CATSPERB: variants seen among roughly 807,000 people sequenced by gnomAD.
CATSPERB encodes the protein catsper channel auxiliary subunit beta.
In CATSPERB, 93 loss-of-function variants were observed where a neutral mutation model predicts 128.3. That is an observed-to-expected ratio of 0.72 (90% CI 0.61 to 0.86). The LOEUF (loss-of-function observed/expected upper bound fraction) is 0.86. Ranked by LOEUF, CATSPERB falls within the 40% of genes least tolerant of loss-of-function variation. CATSPERB has a pLI of 0.00. For missense variants in CATSPERB, 1,153 were observed against 1,329.5 expected, an observed-to-expected ratio of 0.87 and a Z score of 2.06; for synonymous variants, 381 against 448.8, an observed-to-expected ratio of 0.85 and a Z score of 1.91.
intron 5 of CATSPERB, among the ~76,000 whole-genome samples, chr14:91,716,424 A>G (rs1163714516): frequency 6.6e-6 from 1 of 152,086 alleles, no homozygotes; most frequent in East Asian, 1.9e-4. Flanking sequence ...TAAAAATACA[A>G]AAAATTAGCC....
chr14:91,711,415 G>A (rs541843914), intron 5 of CATSPERB, among the ~76,000 whole-genome samples: 1 of 152,114 alleles, frequency 6.6e-6, no homozygotes, highest in Non-Finnish European at 1.5e-5. Flanking sequence ...ATTTTTAGTA[G>A]AGACAGGTTT....
intron 15 of CATSPERB, among the ~76,000 whole-genome samples, chr14:91,647,635 G>A (rs1054862078): frequency 4.6e-5 from 7 of 152,172 alleles, no homozygotes; most frequent in Admixed American, 4.6e-4. Flanking sequence ...GCAGGCAAGA[G>A]AGCTTATGCA....
At chr14:91,588,392 T>C (rs1454219635) in intron 24 of CATSPERB, among the ~76,000 whole-genome samples, 1 of 152,184 alleles carries the variant, frequency 6.6e-6, no homozygotes, top group African/African-American at 2.4e-5. Flanking sequence ...AGCTTCATGC[T>C]GACCTTTTCC....
intron 22 of CATSPERB, among the ~76,000 whole-genome samples, chr14:91,594,740 A>AG (rs1399367662): frequency 6.6e-6 from 1 of 152,182 alleles, no homozygotes; most frequent in Non-Finnish European, 1.5e-5. Flanking sequence ...GGAGGAAGGG[A>AG]GAAAAAATAA....
intron 18 of CATSPERB, among the ~76,000 whole-genome samples, chr14:91,624,602 C>A (rs1429022733): frequency 6.6e-6 from 1 of 150,762 alleles, no homozygotes; most frequent in Non-Finnish European, 1.5e-5. Context: ...GATCGCGTCA[C>A]TACACTCCAG....
chr14:91,591,483 CT>C (rs1174627009), intron 23 of CATSPERB, among the ~76,000 whole-genome samples: 3 of 151,776 alleles, frequency 2.0e-5, no homozygotes, highest in African/African-American at 7.3e-5. Flanking sequence ...GCAGGCTGAG[CT>C]TGATTACAAT....
At chr14:91,627,130 T>C (rs1894178959) in intron 17 of CATSPERB, among the ~76,000 whole-genome samples, 1 of 152,206 alleles carries the variant, frequency 6.6e-6, no homozygotes, top group Non-Finnish European at 1.5e-5. Flanking sequence ...TAAATGACAG[T>C]GTTAAGCAGT....
At chr14:91,679,262 A>G (rs911007175) in intron 11 of CATSPERB, among the ~76,000 whole-genome samples, 1 of 152,164 alleles carries the variant, frequency 6.6e-6, no homozygotes, top group Non-Finnish European at 1.5e-5. Flanking sequence ...CTAAGCTTTC[A>G]CTAAAGTTTA....
intron 17 of CATSPERB, among the ~76,000 whole-genome samples, chr14:91,634,462 T>C (rs2139800662): frequency 6.6e-6 from 1 of 151,972 alleles, no homozygotes; most frequent in Middle Eastern, 3.4e-3. Flanking sequence ...TGGAAATTTC[T>C]CAAAGAACTA....
intron 22 of CATSPERB, among the ~76,000 whole-genome samples, chr14:91,599,659 G>A (rs1417892690): frequency 6.6e-6 from 1 of 152,038 alleles, no homozygotes; most frequent in Non-Finnish European, 1.5e-5. Flanking sequence ...GGCAAAGCTT[G>A]GTTTTATACG....
intron 11 of CATSPERB, among the ~76,000 whole-genome samples, chr14:91,676,267 C>A (rs767068168): frequency 2.0e-5 from 3 of 152,088 alleles, no homozygotes; most frequent in Admixed American, 6.6e-5. Flanking sequence ...AAGGAGGATT[C>A]ACCCAACTCC....
intron 19 of CATSPERB, among the ~76,000 whole-genome samples, chr14:91,619,556 A>ATTTTT (rs1566706237): frequency 0.087 from 4,789 of 54,880 alleles, 175 homozygotes; most frequent in Admixed American, 0.27. Context: ...TTTTTTTTAA[A>ATTTTT]AAAAAAATAG....
At chr14:91,679,485 C>G (rs1895244342) in intron 11 of CATSPERB, among the ~76,000 whole-genome samples, 1 of 152,098 alleles carries the variant, frequency 6.6e-6, no homozygotes, top group South Asian at 2.1e-4. Context: ...TGGCCTATAT[C>G]AGATGTAAGA....
intron 14 of CATSPERB, among the ~76,000 whole-genome samples, chr14:91,660,183 A>G (rs1894852841): frequency 6.6e-6 from 1 of 151,706 alleles, no homozygotes; most frequent in Non-Finnish European, 1.5e-5. Flanking sequence ...TCTACCTTCT[A>G]TTTCCATCCT....
intron 15 of CATSPERB, among the ~76,000 whole-genome samples, chr14:91,658,085 A>G (rs1894816085): frequency 6.6e-6 from 1 of 152,198 alleles, no homozygotes; most frequent in African/African-American, 2.4e-5. Flanking sequence ...CTACACTCCC[A>G]TGTTTATTGT....
intron 19 of CATSPERB, 99 bp downstream of exon 19, chr14:91,621,509 G>T: frequency 1.0e-6 from 1 of 963,564 alleles, no homozygotes; most frequent in Non-Finnish European, 1.5e-6. Context: ...ACAAGTATGG[G>T]AACCAAGGAT....
At chr14:91,621,413 T>G (rs1272198867) in intron 19 of CATSPERB, among the ~76,000 whole-genome samples, 195 bp downstream of exon 19, 2 of 152,006 alleles carry the variant, frequency 1.3e-5, no homozygotes, top group Non-Finnish European at 2.9e-5. Context: ...AATAAATAAA[T>G]AAATAAAATA....
At chr14:91,697,382 A>T (rs916907366) in intron 7 of CATSPERB, among the ~76,000 whole-genome samples, 2 of 152,186 alleles carry the variant, frequency 1.3e-5, no homozygotes, top group South Asian at 4.1e-4. Flanking sequence ...TTAAGGTCTC[A>T]ATGAGATCAA....
At chr14:91,652,542 G>T (rs1894721011) in intron 15 of CATSPERB, among the ~76,000 whole-genome samples, 1 of 150,902 alleles carries the variant, frequency 6.6e-6, no homozygotes, top group Admixed American at 6.6e-5. Flanking sequence ...ATGGTGGCGG[G>T]TATCTGTAAT....
Sources: gnomAD v4.1 joint callset for allele counts (sites outside exome capture counted in the v4.1 genomes callset) on GRCh38, gnomAD v4.1.1 for gene constraint, MANE v1.5 for transcripts, NCBI Gene and HGNC (gene_info 2026-07-23, HGNC 2026-07-21) for gene names.